The following TBC1D9B variants were observed in gnomAD, a reference collection of about 807,000 sequenced individuals.
TBC1D9B encodes the protein TBC1 domain family, member 9B (with GRAM domain).
In TBC1D9B, 87 loss-of-function variants were observed where a neutral mutation model predicts 121.1. The observed-to-expected ratio is 0.72, with a 90% CI of 0.60 to 0.86. TBC1D9B has a LOEUF of 0.86. Ranked by LOEUF, TBC1D9B falls within the 40% of genes least tolerant of loss-of-function variation. TBC1D9B has a pLI of 0.00. For missense variants in TBC1D9B, 1,540 were observed against 1,628.6 expected (o/e 0.95, Z 0.94); for synonymous variants, 668 against 670.1 (o/e 1.00, Z 0.05).
chr5:179,871,385 T>C (rs1020708334), intron 15 of TBC1D9B, 77 bp downstream of exon 15: 2 of 1,404,166 alleles, frequency 1.4e-6, no homozygotes, highest in Admixed American at 1.8e-5. Context: ...TCTAAGAGGA[T>C]ACTCTTAGAT....
rs1761344107 is a variant in TBC1D9B, at chr5:179,907,131, T to A, written c.118+573A>T. On this transcript the variant is annotated intron_variant, in intron 1 of 20. Transcript: ENST00000355235. This position sits in a 1 kb window ranked among gnomAD's most constrained non-coding sequence, Gnocchi z 5.3. ...CTGTGCCGCTACCCACAGCCTTGGG[T>A]GCGCAGCTCTGAGAGCAGCCAGGAG... is the stretch of plus-strand genomic sequence containing the variant. Among the ~76,000 whole-genome samples, 1 of 152,072 alleles carries A rather than the reference T, an allele frequency of 6.6e-6. No individual in the cohort carries two copies. The highest frequency in any genetic ancestry group is 1.5e-5 in the Non-Finnish European group (1 of 68,012).
intron 7 of TBC1D9B, among the ~76,000 whole-genome samples, chr5:179,880,278 TG>T (rs1760501461): frequency 6.6e-6 from 1 of 152,210 alleles, no homozygotes; most frequent in South Asian, 2.1e-4. Context: ...GCAGGAGTGT[TG>T]GGATAACCCA....
chr5:179,875,167 TG>T lies in TBC1D9B; in HGVS notation c.1920del (p.Ile641SerfsTer22). The T allele has an allele frequency of 6.2e-7, 1 of 1,613,414 alleles. No homozygotes were observed. The highest frequency in any genetic ancestry group is 8.5e-7 in the Non-Finnish European group (1 of 1,179,956). ...AAGTCTCTCGTGAGCTCTTCGAAGA[TG>T]CCTTGGTCCACCAGGGCTCCTGCGG... ...TRVVGALVDQ[G>X]IFEELTRDFL... On this transcript the variant is annotated frameshift_variant, in exon 12 of 21. Coordinates refer to ENST00000355235, the MANE Select transcript of TBC1D9B (RefSeq NM_015043.4). LOFTEE classifies it high-confidence loss of function. The surrounding 1 kb of genome is among the most constrained non-coding windows in gnomAD (Gnocchi z 4.5).
chr5:179,867,590 T>A (rs1330770612), intron 18 of TBC1D9B, 188 bp downstream of exon 18: 4 of 1,507,996 alleles, frequency 2.7e-6, no homozygotes. Flanking sequence ...AGTGAGGACA[T>A]CCACAGGGGG....
In TBC1D9B at chr5:179,875,948, C is replaced by A. The variant is rs139251333; in HGVS notation, c.1872G>T (p.Leu624=). 1.9e-5 allele frequency: 30 copies of A among 1,609,874 alleles called. No individual in the cohort carries two copies. In the African/African-American group the frequency reaches 3.9e-4, roughly 21 times the overall value. Residue 624 remains leucine (L), a synonymous_variant, in exon 11 of 21, where the codon CTG becomes CTT. Coordinates refer to ENST00000355235, the MANE Select transcript of TBC1D9B (RefSeq NM_015043.4). This position sits in a 1 kb window ranked among gnomAD's most constrained non-coding sequence, Gnocchi z 4.5. Reference sequence around the variant, plus strand: ...CCACCCTGGTGTTGTAGTAGTCGGGCAGCATGCGCTCGCACAGGGCCACCA... The same window carrying A: ...CCACCCTGGTGTTGTAGTAGTCGGGAAGCATGCGCTCGCACAGGGCCACCA... The part of the protein sequence containing the change: ...WLLVALCERM[L]PDYYNTRVVG...
chr5:179,893,436 C>A lies in TBC1D9B; in HGVS notation c.609G>T (p.Thr203=), dbSNP rs372720876. The change falls in exon 5 of 21, where the codon ACG becomes ACT. Residue 203 remains threonine (T), a synonymous_variant. Transcript: ENST00000355235. ...VSLVVQWVDI[T]RLEKNATLLF... is the part of the protein sequence containing the mutation. ...GCAGGGTGGCGTTCTTCTCCAGACG[C>A]GTTATGTCCACCCACTGCACCACGA... is the stretch of plus-strand genomic sequence containing the variant. 1.2e-6 allele frequency: 2 copies of A among 1,611,534 alleles called. No homozygotes were observed. The highest frequency in any genetic ancestry group is 1.7e-6 in the Non-Finnish European group (2 of 1,178,240).
At chr5:179,877,664 CAAAA>C (rs564753950) in intron 10 of TBC1D9B, among the ~76,000 whole-genome samples, 4 of 66,696 alleles carry the variant, frequency 6.0e-5, no homozygotes, top group African/African-American at 1.3e-4. Context: ...GATTCTATCT[CAAAA>C]AAAAAAAAAA....
In TBC1D9B at chr5:179,865,928, C is replaced by T; in HGVS notation, c.2864-40G>A. The T allele has an allele frequency of 6.2e-7, 1 of 1,613,100 alleles. No homozygotes were observed. Reference sequence around the variant, plus strand: ...AAATAAAAAGAACATGAATAACATTCTGCTGTTGGGACTGCAAGCTCCTGG... The same window carrying T: ...AAATAAAAAGAACATGAATAACATTTTGCTGTTGGGACTGCAAGCTCCTGG... On this transcript the variant is annotated intron_variant, in intron 18 of 20. Coordinates refer to ENST00000355235, the MANE Select transcript of TBC1D9B (RefSeq NM_015043.4). This position sits in a 1 kb window ranked among gnomAD's most constrained non-coding sequence, Gnocchi z 5.1.
intron 13 of TBC1D9B, 25 bp from the exon 14 acceptor site, chr5:179,873,015 G>A (rs750121001): frequency 6.2e-7 from 1 of 1,613,892 alleles, no homozygotes; most frequent in Non-Finnish European, 8.5e-7. Context: ...GACTTGGTGA[G>A]ATCAAGCCAA....
Position 179,907,842 on chromosome 5 carries a change from GC to G in TBC1D9B, c.-22del. 1 of 1,088,042 alleles carries G rather than the reference GC, an allele frequency of 9.2e-7. No individual in the cohort carries two copies. Among genetic ancestry groups the G allele is most frequent in the African/African-American group, 1.7e-5 (1 of 59,036 alleles). The allele number at this position is 1,088,042 out of a possible 1,614,324, so 67.4% of individuals were successfully genotyped here. On this transcript the variant is annotated 5_prime_UTR_variant, in exon 1 of 21. Coordinates refer to ENST00000355235, the MANE Select transcript of TBC1D9B (RefSeq NM_015043.4). This position sits in a 1 kb window ranked among gnomAD's most constrained non-coding sequence, Gnocchi z 5.3. ...CACATCGCGGAGCCGCTCGCACCGGGCCGAGGCCCGCGAGACGGAAGCGCCC... is the reference window on the plus strand; with the variant it reads ...CACATCGCGGAGCCGCTCGCACCGGGCGAGGCCCGCGAGACGGAAGCGCCC...
At position 179,865,966 on chromosome 5, in the gene TBC1D9B, G is replaced by A; in HGVS notation, c.2864-78C>T. ...TGCAAGCTCCTGGGGTCCTTGAGAT[G>A]TAGTCTGTGTTTCTGTACAGCCAGC... is the stretch of plus-strand genomic sequence containing the variant. On this transcript the variant is annotated intron_variant, in intron 18 of 20. Coordinates refer to ENST00000355235, the MANE Select transcript of TBC1D9B (RefSeq NM_015043.4). The surrounding 1 kb of genome is among the most constrained non-coding windows in gnomAD (Gnocchi z 5.1). The A allele has an allele frequency of 6.4e-7, 1 of 1,562,884 alleles. No homozygotes were observed. Among genetic ancestry groups the A allele is most frequent in the Non-Finnish European group, 8.8e-7 (1 of 1,134,816 alleles).
intron 17 of TBC1D9B, 159 bp downstream of exon 17, chr5:179,869,610 T>G (rs1430322567): frequency 1.3e-6 from 1 of 784,158 alleles, no homozygotes; most frequent in Non-Finnish European, 2.2e-6. Flanking sequence ...CTCTGTGAAG[T>G]GCTCAAGCTC....
In TBC1D9B at chr5:179,873,236, A is replaced by C; in HGVS notation, c.2199T>G (p.Asn733Lys). 6.2e-7 allele frequency: 1 copy of C among 1,609,434 alleles called. No individual in the cohort carries two copies. The highest frequency in any genetic ancestry group is 8.5e-7 in the Non-Finnish European group (1 of 1,177,804). Residue 733 changes from asparagine (N) to lysine (K), a missense_variant, in exon 13 of 21, where the codon AAT becomes AAG. Physicochemically the swap from Asn to Lys is moderately conservative, Grantham distance 94. Coordinates refer to ENST00000355235, the MANE Select transcript of TBC1D9B (RefSeq NM_015043.4). ...AMTMLGRYLD[N>K]VVNKQSVSPP... is the part of the protein sequence containing the mutation. ...GAGAGACACTCTGCTTGTTGACCACATTATCCAGGTATCTGCAAAGGACAG... is the reference window on the plus strand; with the variant it reads ...GAGAGACACTCTGCTTGTTGACCACCTTATCCAGGTATCTGCAAAGGACAG...
rs1261260246 is a variant in TBC1D9B, at chr5:179,863,291, G to A, written c.*157C>T. The stretch of plus-strand genomic sequence containing the variant: ...CCCAGGGAATCTGTCTAAGGCAGCT[G>A]GGTCTGCACCAGCCTTCTTTCCACT... On this transcript the variant is annotated 3_prime_UTR_variant, in exon 21 of 21. Transcript: ENST00000355235. This position sits in a 1 kb window ranked among gnomAD's most constrained non-coding sequence, Gnocchi z 4.5. 1.2e-6 allele frequency: 1 copy of A among 832,570 alleles called. No homozygotes were observed. Among genetic ancestry groups the A allele is most frequent in the African/African-American group, 1.7e-5 (1 of 58,052 alleles). The allele number at this position is 832,570 out of a possible 1,614,324, so 51.6% of individuals were successfully genotyped here.
At chr5:179,879,426 C>A in intron 8 of TBC1D9B, 1 of 1,017,334 alleles carries the variant, frequency 9.8e-7, no homozygotes, top group South Asian at 1.6e-5. Context: ...GAGTCCGTGG[C>A]AAACAGCACA....
At position 179,902,281 on chromosome 5, in the gene TBC1D9B, G is replaced by A. The variant is rs1026096662; in HGVS notation, c.229+2421C>T. Reference sequence around the variant, plus strand: ...ACTAGGCACAGCAGCCAGGAGGGGTGTGGCTCCTCCAGGCCCTGCAGCTGT... The same window carrying A: ...ACTAGGCACAGCAGCCAGGAGGGGTATGGCTCCTCCAGGCCCTGCAGCTGT... On this transcript the variant is annotated intron_variant, in intron 2 of 20. Transcript: ENST00000355235. This position sits in a 1 kb window ranked among gnomAD's most constrained non-coding sequence, Gnocchi z 4.9. 1.3e-5 allele frequency among the ~76,000 whole-genome samples: 2 copies of A among 152,244 alleles called. No individual in the cohort carries two copies. The highest frequency in any genetic ancestry group is 2.4e-5 in the African/African-American group (1 of 41,466).
rs1759972004 is a variant in TBC1D9B at position 179,865,216 on chromosome 5, C to G, written c.3021+38G>C. On this transcript the variant is annotated intron_variant, in intron 20 of 20. Coordinates refer to ENST00000355235, the MANE Select transcript of TBC1D9B (RefSeq NM_015043.4). The surrounding 1 kb of genome is among the most constrained non-coding windows in gnomAD (Gnocchi z 5.1). Reference sequence around the variant, plus strand: ...TTAGGGCCCAGTCTTGGTCAGAACTCTCCAGAAATGTCTACTGTGGGCTCC... The same window carrying G: ...TTAGGGCCCAGTCTTGGTCAGAACTGTCCAGAAATGTCTACTGTGGGCTCC... The G allele has an allele frequency of 2.5e-6, 4 of 1,602,436 alleles. No individual in the cohort carries two copies. Among genetic ancestry groups the G allele is most frequent in the Non-Finnish European group, 3.4e-6 (4 of 1,169,376 alleles).
intron 6 of TBC1D9B, among the ~76,000 whole-genome samples, chr5:179,889,318 G>A (rs1214821220): frequency 3.3e-5 from 5 of 151,982 alleles, no homozygotes; most frequent in South Asian, 2.1e-4. Flanking sequence ...GTGAGCCACC[G>A]CGCCCAGTCT....
In TBC1D9B at chr5:179,907,533, C is replaced by A. The variant is rs1196948829; in HGVS notation, c.118+171G>T. On this transcript the variant is annotated intron_variant, in intron 1 of 20. Coordinates refer to ENST00000355235, the MANE Select transcript of TBC1D9B (RefSeq NM_015043.4). This position sits in a 1 kb window ranked among gnomAD's most constrained non-coding sequence, Gnocchi z 5.3. ...GCCTCCCCGCCCCGGCCCCTCCGCG[C>A]CCGGCTCCCGGGTCCTGGCCTCGCG... Among the ~76,000 whole-genome samples the A allele has an allele frequency of 6.7e-6, 1 of 149,558 alleles. No individual in the cohort carries two copies. The highest frequency in any genetic ancestry group is 6.7e-5 in the Admixed American group (1 of 15,012).
Sources: gnomAD v4.1 joint callset for allele counts (sites outside exome capture counted in the v4.1 genomes callset) on GRCh38, gnomAD v4.1.1 for gene constraint, Gnocchi (gnomAD v3.1) non-coding constraint, MANE v1.5 for transcripts, NCBI Gene and HGNC (gene_info 2026-07-23, HGNC 2026-07-21) for gene names.